STK38: variants seen among roughly 807,000 people sequenced by gnomAD.
The protein encoded by STK38 is serine/threonine kinase 38.
Under a neutral mutation model 59.0 loss-of-function variants are expected in STK38, and 26 were observed. The ratio of observed to expected loss-of-function variants is 0.44; its 90% CI spans 0.32 to 0.61. The LOEUF (loss-of-function observed/expected upper bound fraction) is 0.61, where lower values mean the gene tolerates loss of function less well. Among genes scored for constraint, STK38 ranks in the 20% least tolerant of loss-of-function variants. STK38 has a pLI of 0.04. For synonymous variants in STK38, 175 were observed against 176.6 expected, an observed-to-expected ratio of 0.99 and a Z score of 0.07; for missense variants, 433 against 566.0, an observed-to-expected ratio of 0.76 and a Z score of 2.38.
intron 9 of STK38, among the ~76,000 whole-genome samples, chr6:36,502,141 CTCT>C (rs1227005681): frequency 6.6e-6 from 1 of 151,870 alleles, no homozygotes; most frequent in Admixed American, 6.6e-5. Context: ...GAAATGGGAT[CTCT>C]TTTTTTTTCT....
At chr6:36,545,125 A>C (rs965961027) in intron 1 of STK38, among the ~76,000 whole-genome samples, 3 of 151,774 alleles carry the variant, frequency 2.0e-5, no homozygotes, top group African/African-American at 7.3e-5. Context: ...GCCTGTCTCT[A>C]CTAAAAATAC....
At chr6:36,530,281 T>G (rs1339974552) in intron 2 of STK38, among the ~76,000 whole-genome samples, 1 of 150,118 alleles carries the variant, frequency 6.7e-6, no homozygotes, top group Non-Finnish European at 1.5e-5. Context: ...ATCGAGATTC[T>G]GTCAGGAAGA....
chr6:36,523,046 C>A (rs545752131), intron 4 of STK38, among the ~76,000 whole-genome samples: 1 of 152,122 alleles, frequency 6.6e-6, no homozygotes, highest in East Asian at 1.9e-4. Context: ...CTCCCCTCTT[C>A]TCCCAAAATA....
intron 9 of STK38, among the ~76,000 whole-genome samples, chr6:36,504,695 G>A (rs1776918159): frequency 6.6e-6 from 1 of 152,034 alleles, no homozygotes; most frequent in Non-Finnish European, 1.5e-5. Context: ...ACTATTAAAT[G>A]ACATTTAACT....
chr6:36,536,296 T>A (rs962712441), intron 2 of STK38, among the ~76,000 whole-genome samples: 5 of 152,126 alleles, frequency 3.3e-5, no homozygotes, highest in African/African-American at 1.2e-4. Flanking sequence ...TCAATATGGA[T>A]CACAGAACTA....
chr6:36,521,812 C>G lies in STK38; in HGVS notation c.312G>C (p.Arg104=), dbSNP rs565459812. ...GTCCCGTATCTTTCTTCTGAACAAG[C>G]CGTACCTAAAAAGTTATAAAAGAAA... ...VIGRGAFGEV[R]LVQKKDTGHV... Residue 104 remains arginine (R), a synonymous_variant, in exon 5 of 14, where the codon CGG becomes CGC. Transcript: ENST00000229812. 9 of 1,609,686 alleles carry G rather than the reference C, an allele frequency of 5.6e-6. No individual in the cohort carries two copies. Among genetic ancestry groups the G allele is most frequent in the Non-Finnish European group, 7.6e-6 (9 of 1,178,978 alleles).
chr6:36,524,562 C>A, intron 3 of STK38, 99 bp from the exon 4 acceptor site: 1 of 1,227,074 alleles, frequency 8.1e-7, no homozygotes, highest in East Asian at 2.4e-5. Flanking sequence ...GAAAACAGGT[C>A]CAAGTGGACT....
chr6:36,524,271 CTT>C (rs1777454360), intron 4 of STK38, 68 bp downstream of exon 4: 39 of 1,538,460 alleles, frequency 2.5e-5, no homozygotes, highest in Admixed American at 8.4e-5. Context: ...ACAATCATGA[CTT>C]AATGGTATGT....
In STK38 at chr6:36,536,147, G is replaced by A. The variant is rs184071645; in HGVS notation, c.131+3925C>T. Among the ~76,000 whole-genome samples the A allele has an allele frequency of 5.3e-5, 8 of 152,246 alleles. No individual in the cohort carries two copies. The East Asian group carries it at 1.5e-3, about 29-fold the overall frequency. ...CCCAGAAATGAATTCACACCTATAT[G>A]TCACTTGATTTTCAAGAAAAGTGCC... is the stretch of plus-strand genomic sequence containing the variant. On this transcript the variant is annotated intron_variant, in intron 2 of 13. Coordinates refer to ENST00000229812, the MANE Select transcript of STK38 (RefSeq NM_007271.4).
At position 36,495,242 on chromosome 6, in the gene STK38, TATGGGTA is replaced by T. The variant is rs1776674065; in HGVS notation, c.*535_*541del. On this transcript the variant is annotated 3_prime_UTR_variant, in exon 14 of 14. Transcript: ENST00000229812. ...ATAAGCCACTCGCCTGAGGCTGAGG[TATGGGTA>T]GAAACTACCATCACCACCCTCAGGG... The T allele has an allele frequency of 6.5e-6, 1 of 154,310 alleles. No individual in the cohort carries two copies. Among genetic ancestry groups the T allele is most frequent in the African/African-American group, 2.4e-5 (1 of 41,462 alleles). The allele number at this position is 154,310 out of a possible 1,614,324, so 9.6% of individuals were successfully genotyped here.
chr6:36,522,133 A>C, intron 4 of STK38: 1 of 192,094 alleles, frequency 5.2e-6, no homozygotes, highest in Non-Finnish European at 1.1e-5. Flanking sequence ...CATGTCATCC[A>C]GTCAGCTCAG....
intron 9 of STK38, among the ~76,000 whole-genome samples, chr6:36,504,898 C>CAAAAAAAAAA (rs562032331): frequency 1.6e-5 from 1 of 64,070 alleles, no homozygotes. Flanking sequence ...TCCTGGCCTC[C>CAAAAAAAAAA]AAAAAAAAAA....
chr6:36,498,146 G>A (rs2127465629), intron 11 of STK38, among the ~76,000 whole-genome samples: 1 of 151,732 alleles, frequency 6.6e-6, no homozygotes, highest in South Asian at 2.1e-4. Context: ...TGTCCAGGCT[G>A]GTCTCAAACT....
intron 4 of STK38, among the ~76,000 whole-genome samples, chr6:36,523,697 C>G (rs922354209): frequency 6.6e-6 from 1 of 152,234 alleles, no homozygotes; most frequent in African/African-American, 2.4e-5. Context: ...CAACAGATTG[C>G]TCTTGTGCCC....
chr6:36,505,961 T>G (rs561905656), intron 9 of STK38, among the ~76,000 whole-genome samples: 2 of 152,350 alleles, frequency 1.3e-5, no homozygotes, highest in East Asian at 3.9e-4. Flanking sequence ...AATATTTCAC[T>G]GGTAAATTTG....
intron 9 of STK38, among the ~76,000 whole-genome samples, chr6:36,503,104 C>A (rs183768199): frequency 1.3e-5 from 2 of 152,160 alleles, no homozygotes; most frequent in Admixed American, 1.3e-4. Flanking sequence ...TTCTCCAGGG[C>A]CTATGACTAG....
Position 36,536,730 on chromosome 6 carries a change from T to C in STK38, c.131+3342A>G, listed in dbSNP as rs539779484. Among the ~76,000 whole-genome samples, 15 of 152,060 alleles carry C rather than the reference T, an allele frequency of 9.9e-5. No homozygotes were observed. In the South Asian group the frequency reaches 2.9e-3, roughly 29 times the overall value. On this transcript the variant is annotated intron_variant, in intron 2 of 13. Coordinates refer to ENST00000229812, the MANE Select transcript of STK38 (RefSeq NM_007271.4). ...TCTGTATTTTTAGTAGAGACGGGGT[T>C]TCTCCATGTTGGTCGGGCTGGTCTC...
intron 1 of STK38, among the ~76,000 whole-genome samples, chr6:36,540,684 C>T (rs978851343): frequency 5.4e-5 from 8 of 148,536 alleles, no homozygotes; most frequent in Non-Finnish European, 8.9e-5. Context: ...TGGAGTGCGA[C>T]AGGATGATCT....
chr6:36,516,586 T>C (rs749745743), intron 6 of STK38, among the ~76,000 whole-genome samples: 1 of 152,216 alleles, frequency 6.6e-6, no homozygotes, highest in Non-Finnish European at 1.5e-5. Flanking sequence ...GTCCAATACT[T>C]AAAAAATATG....
Sources: allele counts gnomAD v4.1 joint callset (sites outside exome capture counted in the v4.1 genomes callset), GRCh38; gene constraint gnomAD v4.1.1; transcripts MANE v1.5; gene names NCBI Gene and HGNC (gene_info 2026-07-23, HGNC 2026-07-21).